Variants in LRRC7 observed in about 807,000 individuals in gnomAD.
The protein encoded by LRRC7 is leucine rich repeat containing 7, also known as leucine-rich repeat-containing protein 7.
LRRC7 carries 23 observed loss-of-function variants against 175.7 expected under a neutral mutation model. That is an observed-to-expected ratio of 0.13 (90% CI 0.09 to 0.19). The LOEUF is 0.19. Ranked by LOEUF, LRRC7 falls within the 10% of genes least tolerant of loss-of-function variation. The pLI, the probability that LRRC7 is intolerant of heterozygous loss-of-function variation, is 1.00. For missense variants in LRRC7, 1,354 were observed against 1,904.7 expected (o/e 0.71, Z 5.38); for synonymous variants, 685 against 680.9 (o/e 1.01, Z -0.09).
chr1:69,851,718 A>C (rs1010584236), intron 7 of LRRC7, among the ~76,000 whole-genome samples: 2 of 152,204 alleles, frequency 1.3e-5, no homozygotes, highest in Non-Finnish European at 2.9e-5. Context: ...TGGGAAAGTT[A>C]ATGGACAAGG....
intron 25 of LRRC7, among the ~76,000 whole-genome samples, chr1:70,094,253 C>T (rs1466652450): frequency 6.6e-6 from 1 of 152,106 alleles, no homozygotes; most frequent in Non-Finnish European, 1.5e-5. Context: ...AATCAGTTAT[C>T]CTCCACTGTC....
intron 7 of LRRC7, among the ~76,000 whole-genome samples, chr1:69,927,448 T>C (rs542102726): frequency 1.3e-5 from 2 of 152,340 alleles, no homozygotes; most frequent in South Asian, 4.1e-4. Flanking sequence ...GGTACACCAG[T>C]CAGACATAGA....
intron 23 of LRRC7, among the ~76,000 whole-genome samples, chr1:70,062,579 A>G (rs1453047787): frequency 3.3e-5 from 5 of 152,102 alleles, no homozygotes; most frequent in Non-Finnish European, 5.9e-5. Flanking sequence ...CTTGCTTGTT[A>G]AGAATTATCA....
chr1:69,801,626 C>A (rs1207047583), intron 4 of LRRC7, among the ~76,000 whole-genome samples: 1 of 151,524 alleles, frequency 6.6e-6, no homozygotes, highest in Non-Finnish European at 1.5e-5. Flanking sequence ...ATTAGTCTAG[C>A]TCGTAGTCTA....
chr1:70,098,729 G>T (rs1176862005), intron 25 of LRRC7, among the ~76,000 whole-genome samples: 1 of 151,620 alleles, frequency 6.6e-6, no homozygotes, highest in African/African-American at 2.4e-5. Flanking sequence ...AGAAGAAATG[G>T]ATAAATTCCT....
intron 3 of LRRC7, among the ~76,000 whole-genome samples, chr1:69,785,344 T>A (rs1674280805): frequency 6.6e-6 from 1 of 152,140 alleles, no homozygotes; most frequent in Non-Finnish European, 1.5e-5. Context: ...GTGTAAACTT[T>A]CTTTTAGTTA....
intron 7 of LRRC7, among the ~76,000 whole-genome samples, chr1:69,922,941 C>A (rs1646937805): frequency 6.6e-6 from 1 of 151,970 alleles, no homozygotes; most frequent in African/African-American, 2.4e-5. Flanking sequence ...AGGTATACCT[C>A]CTAATGCTAT....
At chr1:70,083,650 G>A (rs973538805) in intron 24 of LRRC7, among the ~76,000 whole-genome samples, 12 of 152,070 alleles carry the variant, frequency 7.9e-5, no homozygotes, top group African/African-American at 2.7e-4. Context: ...ATCTCATCCT[G>A]GATGTCTGAT....
At position 70,013,024 on chromosome 1, in the gene LRRC7, A is replaced by G. The variant is rs745894580; in HGVS notation, c.1185A>G (p.Leu395=). 6 of 1,586,754 alleles carry G rather than the reference A, an allele frequency of 3.8e-6. No homozygotes were observed. The highest frequency in any genetic ancestry group is 5.1e-6 in the Non-Finnish European group (6 of 1,165,676). Residue 395 remains leucine (L), a synonymous_variant, in exon 13 of 27, where the codon TTA becomes TTG. Transcript: ENST00000651989. ...VTVMSLRSNK[L]EFLPEEIGQM... is the part of the protein sequence containing the mutation. ...TCATGTCTCTACGCTCCAACAAATTAGAATTTCTTCCTGAAGAGATTGGAC... is the reference window on the plus strand; with the variant it reads ...TCATGTCTCTACGCTCCAACAAATTGGAATTTCTTCCTGAAGAGATTGGAC...
chr1:69,640,376 G>T (rs1654021252), intron 1 of LRRC7, among the ~76,000 whole-genome samples: 1 of 151,574 alleles, frequency 6.6e-6, no homozygotes, highest in Non-Finnish European at 1.5e-5. Context: ...TAAACTTTTT[G>T]ACTTGTGTAA....
chr1:69,905,158 C>T (rs1404623716), intron 7 of LRRC7, among the ~76,000 whole-genome samples: 2 of 152,028 alleles, frequency 1.3e-5, no homozygotes, highest in Non-Finnish European at 1.5e-5. Flanking sequence ...AATACACATG[C>T]ATATGCCTTT....
At chr1:69,796,477 C>T (rs918078403) in intron 4 of LRRC7, among the ~76,000 whole-genome samples, 1 of 152,004 alleles carries the variant, frequency 6.6e-6, no homozygotes, top group Non-Finnish European at 1.5e-5. Context: ...CAGACAGAGT[C>T]CTCTTCACCT....
At chr1:69,608,856 CTCTCTCTCTCTATATATATA>C (rs1353439288) in intron 1 of LRRC7, among the ~76,000 whole-genome samples, 390 of 29,050 alleles carry the variant, frequency 0.013, no homozygotes, top group South Asian at 0.036. Context: ...CTCTCTCTCT[CTCTCTCTCTCTATATATATA>C]TATATATATA....
intron 7 of LRRC7, among the ~76,000 whole-genome samples, chr1:69,875,922 C>T (rs1686003528): frequency 6.6e-6 from 1 of 152,054 alleles, no homozygotes; most frequent in South Asian, 2.1e-4. Flanking sequence ...GAAGGCAGTA[C>T]AGTATGTGGC....
chr1:69,778,739 C>T (rs1195218188), intron 3 of LRRC7, among the ~76,000 whole-genome samples: 1 of 152,044 alleles, frequency 6.6e-6, no homozygotes, highest in Non-Finnish European at 1.5e-5. Context: ...TTAGCACTAC[C>T]AGTGGAGAAA....
At chr1:69,923,523 G>C (rs1169546372) in intron 7 of LRRC7, among the ~76,000 whole-genome samples, 5 of 152,204 alleles carry the variant, frequency 3.3e-5, no homozygotes, top group Non-Finnish European at 7.3e-5. Context: ...ACTGGTGTGA[G>C]ATGGTATCTC....
chr1:69,887,690 C>A (rs12753653), intron 7 of LRRC7, among the ~76,000 whole-genome samples: 88 of 149,454 alleles, frequency 5.9e-4, no homozygotes, highest in African/African-American at 2.1e-3. Context: ...GGAGGAGAGG[C>A]ACTCTGTGTT....
At chr1:69,794,974 G>T (rs1048455264) in intron 4 of LRRC7, among the ~76,000 whole-genome samples, 3 of 152,122 alleles carry the variant, frequency 2.0e-5, no homozygotes, top group Admixed American at 1.3e-4. Flanking sequence ...GAACCACTCT[G>T]CAATACTAGT....
intron 10 of LRRC7, among the ~76,000 whole-genome samples, chr1:69,993,771 A>G (rs546591576): frequency 9.2e-5 from 14 of 152,206 alleles, no homozygotes; most frequent in Non-Finnish European, 2.1e-4. Context: ...AAATTTGTTA[A>G]GTGTTAATGC....
Sources: allele counts gnomAD v4.1 joint callset (sites outside exome capture counted in the v4.1 genomes callset), GRCh38; gene constraint gnomAD v4.1.1; transcripts MANE v1.5; gene names NCBI Gene and HGNC (gene_info 2026-07-23, HGNC 2026-07-21).